Variants in CLTCL1 observed in about 807,000 individuals in gnomAD.
CLTCL1 encodes clathrin heavy chain like 1, also known as clathrin heavy chain 2.
Under a neutral mutation model 190.0 loss-of-function variants are expected in CLTCL1, and 159 were observed. The observed-to-expected ratio is 0.84, with a 90% CI of 0.74 to 0.95. CLTCL1 has a LOEUF of 0.95. Ranked by LOEUF, CLTCL1 falls within the 40% of genes least tolerant of loss-of-function variation. CLTCL1 has a pLI of 0.00. For synonymous variants in CLTCL1, 752 were observed against 769.6 expected (o/e 0.98, Z 0.38); for missense variants, 1,878 against 2,033.4 (o/e 0.92, Z 1.47).
At chr22:19,284,716 G>A (rs2087842265) in intron 1 of CLTCL1, among the ~76,000 whole-genome samples, 2 of 152,210 alleles carry the variant, frequency 1.3e-5, no homozygotes, top group East Asian at 1.9e-4. Flanking sequence ...AGCACTTTGG[G>A]AGGCTGAGGT....
chr22:19,225,409 G>T, intron 13 of CLTCL1, 44 bp downstream of exon 13: 1 of 1,514,538 alleles, frequency 6.6e-7, no homozygotes, highest in African/African-American at 1.4e-5. Context: ...TGAGAAAGGA[G>T]GTGTAGTCAC....
intron 2 of CLTCL1, among the ~76,000 whole-genome samples, chr22:19,275,076 T>C (rs782136494): frequency 9.9e-5 from 15 of 152,172 alleles, no homozygotes; most frequent in African/African-American, 3.4e-4. Flanking sequence ...ACACAAAACA[T>C]TAAGTCTACT....
In CLTCL1 at chr22:19,258,592, A is replaced by G. The variant is rs115541217; in HGVS notation, c.251-4365T>C. ...CAGACCTGGGCAGAGGGACAGCGCC[A>G]GGCCCAGGAGTACGAGGCCTGGAAC... On this transcript the variant is annotated intron_variant, in intron 2 of 32. Coordinates refer to ENST00000427926, the MANE Select transcript of CLTCL1 (RefSeq NM_007098.4). 4,948 of 614,776 alleles carry G rather than the reference A, an allele frequency of 8.0e-3. 180 individuals are homozygous for G. Among genetic ancestry groups the G allele is most frequent in the African/African-American group, 0.079 (4,311 of 54,846 alleles). 38.1% of individuals were successfully genotyped at this position (614,776 alleles called of 1,614,324 possible).
At position 19,239,271 on chromosome 22, in the gene CLTCL1, G is replaced by A. The variant is rs1221056822; in HGVS notation, c.795+4C>T. 8 of 1,593,670 alleles carry A rather than the reference G, an allele frequency of 5.0e-6. No individual in the cohort carries two copies. Among genetic ancestry groups the A allele is most frequent in the Non-Finnish European group, 6.9e-6 (8 of 1,161,482 alleles). ...AAGATGTTTAGAGAGCAGCACATTC[G>A]TACCTGCATAGCCACTGGAAAATCA... On this transcript the variant is annotated splice_donor_region_variant and intron_variant, in intron 5 of 32. Coordinates refer to ENST00000427926, the MANE Select transcript of CLTCL1 (RefSeq NM_007098.4).
chr22:19,202,531 A>C (rs1601502312), intron 22 of CLTCL1, among the ~76,000 whole-genome samples: 2 of 24,790 alleles, frequency 8.1e-5, no homozygotes, highest in Admixed American at 6.4e-4. Flanking sequence ...CACCTCCCCC[A>C]CCACCCCTCC....
intron 3 of CLTCL1, among the ~76,000 whole-genome samples, chr22:19,247,432 T>TAAAACTATATA (rs2086452485): frequency 6.6e-6 from 1 of 152,266 alleles, no homozygotes; most frequent in Non-Finnish European, 1.5e-5. Context: ...TTTTAGTTTG[T>TAAAACTATATA]CAGTAAAGCA....
intron 30 of CLTCL1, 91 bp from the exon 31 acceptor site, chr22:19,180,897 C>T (rs886835773): frequency 1.4e-5 from 15 of 1,094,886 alleles, no homozygotes; most frequent in Non-Finnish European, 2.0e-5. Context: ...GGACACAGGG[C>T]CTCCAGGAGA....
At chr22:19,216,305 C>T in intron 18 of CLTCL1, 49 bp from the exon 19 acceptor site, 1 of 1,587,766 alleles carries the variant, frequency 6.3e-7, no homozygotes, top group Non-Finnish European at 8.6e-7. Context: ...CAATTCAAGA[C>T]TGTATCTTTG....
chr22:19,180,717 CA>C lies in CLTCL1; in HGVS notation c.4903+13del, dbSNP rs1483960614. On this transcript the variant is annotated intron_variant, in intron 31 of 32. Transcript: ENST00000427926. ...TCCCTCCCCAGGGGGTTGGGGGCTA[CA>C]GGTGCCACCTACCAAACACGAGAGG... 21 of 1,613,424 alleles carry C rather than the reference CA, an allele frequency of 1.3e-5. No homozygotes were observed. Among genetic ancestry groups the C allele is most frequent in the Non-Finnish European group, 1.7e-5 (20 of 1,179,670 alleles).
chr22:19,261,310 C>T (rs1555975494), intron 2 of CLTCL1, among the ~76,000 whole-genome samples: 1 of 152,082 alleles, frequency 6.6e-6, no homozygotes, highest in African/African-American at 2.4e-5. Context: ...AGGGGTTTCA[C>T]CGTGTTAGCC....
intron 2 of CLTCL1, among the ~76,000 whole-genome samples, chr22:19,264,240 A>G (rs886294726): frequency 3.3e-5 from 5 of 150,260 alleles, no homozygotes; most frequent in African/African-American, 1.2e-4. Context: ...TCGAAGTTAC[A>G]GTCTCTTAAA....
intron 9 of CLTCL1, chr22:19,232,926 A>G: frequency 1.8e-6 from 1 of 569,854 alleles, no homozygotes; most frequent in South Asian, 2.5e-5. Context: ...GAAGAGAGGG[A>G]GAGAAAAAAC....
intron 19 of CLTCL1, among the ~76,000 whole-genome samples, chr22:19,210,900 T>A (rs559598247): frequency 5.3e-5 from 8 of 152,252 alleles, no homozygotes; most frequent in South Asian, 2.1e-4. Flanking sequence ...CATTTTTTTT[T>A]AACTTTTTAA....
chr22:19,207,085 C>T (rs932141926), intron 22 of CLTCL1, among the ~76,000 whole-genome samples: 7 of 135,752 alleles, frequency 5.2e-5, no homozygotes, highest in African/African-American at 2.0e-4. Flanking sequence ...GGTGCTATCT[C>T]GGCTCACTGC....
rs184729404 is a variant in CLTCL1 at position 19,289,229 on chromosome 22, C to T, written c.42+2371G>A. Among the ~76,000 whole-genome samples, 8 of 152,272 alleles carry T rather than the reference C, an allele frequency of 5.3e-5. No individual in the cohort carries two copies. In the East Asian group the frequency reaches 5.8e-4, roughly 11 times the overall value. On this transcript the variant is annotated intron_variant, in intron 1 of 32. Coordinates refer to ENST00000427926, the MANE Select transcript of CLTCL1 (RefSeq NM_007098.4). ...AACTCCTGATCTCAGGTGATCCACCCGCCTCGGCCTCCCAAAGTGGTGGGA... is the reference window on the plus strand; with the variant it reads ...AACTCCTGATCTCAGGTGATCCACCTGCCTCGGCCTCCCAAAGTGGTGGGA...
chr22:19,186,646 G>C lies in CLTCL1; in HGVS notation c.4605+912C>G, dbSNP rs1450787720. Among the ~76,000 whole-genome samples the C allele has an allele frequency of 2.0e-5, 3 of 151,934 alleles. No individual in the cohort carries two copies. The East Asian group carries it at 5.8e-4, about 29-fold the overall frequency. On this transcript the variant is annotated intron_variant, in intron 29 of 32. Coordinates refer to ENST00000427926, the MANE Select transcript of CLTCL1 (RefSeq NM_007098.4). ...GACAGAGTCTCACTCTGTCACCCGG[G>C]ATGGAATGGAGTGGCGTGATCTCCG...
chr22:19,209,217 C>G (rs1555945101), intron 20 of CLTCL1, 103 bp from the exon 21 acceptor site: 2 of 1,016,092 alleles, frequency 2.0e-6, no homozygotes. Context: ...GCTGCATGAC[C>G]ATTTCACTTC....
At chr22:19,191,895 T>G (rs1019132614) in intron 26 of CLTCL1, among the ~76,000 whole-genome samples, 12 of 152,114 alleles carry the variant, frequency 7.9e-5, no homozygotes, top group Admixed American at 7.2e-4. Flanking sequence ...TGAAACACTG[T>G]GGTGCTCAGA....
At chr22:19,248,674 G>C (rs1428754578) in intron 3 of CLTCL1, among the ~76,000 whole-genome samples, 2 of 152,180 alleles carry the variant, frequency 1.3e-5, no homozygotes. Flanking sequence ...GGTCTTTTGT[G>C]ACTGGCATCT....
Sources: gnomAD v4.1 joint callset for allele counts (sites outside exome capture counted in the v4.1 genomes callset) on GRCh38, gnomAD v4.1.1 for gene constraint, MANE v1.5 for transcripts, NCBI Gene and HGNC (gene_info 2026-07-23, HGNC 2026-07-21) for gene names.